CYP21A2: variants seen among roughly 807,000 people sequenced by gnomAD.
The protein encoded by CYP21A2 is cytochrome P450 family 21 subfamily A member 2, also known as steroid 21-hydroxylase.
Under a neutral mutation model 47.4 loss-of-function variants are expected in CYP21A2, and 24 were observed. The ratio of observed to expected loss-of-function variants is 0.51; its 90% CI spans 0.37 to 0.71. CYP21A2 has a LOEUF of 0.71. Among genes scored for constraint, CYP21A2 ranks in the 30% least tolerant of loss-of-function variants. The pLI is 0.00. For synonymous variants in CYP21A2, 130 were observed against 273.9 expected, an observed-to-expected ratio of 0.47 and a Z score of 5.19; for missense variants, 358 against 643.2, an observed-to-expected ratio of 0.56 and a Z score of 4.80.
chr6:32,039,985 G>A lies in CYP21A2; in HGVS notation c.739-20G>A, dbSNP rs374056854. 163 of 1,611,596 alleles carry A rather than the reference G, an allele frequency of 1.0e-4. 3 individuals are homozygous for A. Among genetic ancestry groups the A allele is most frequent in the South Asian group, 6.9e-4 (63 of 90,994 alleles). On this transcript the variant is annotated intron_variant, in intron 6 of 9. Transcript: ENST00000644719. ...TCTCCCCAGGCCAGCCGCTCAGCCC[G>A]CTCCTTTCACCCTCTGCAGGAGAGC...
At chr6:32,038,863 T>C (rs1776027652) in intron 2 of CYP21A2, 52 bp downstream of exon 2, 2 of 1,402,328 alleles carry the variant, frequency 1.4e-6, no homozygotes, top group East Asian at 4.7e-5. Context: ...TTTTAAGAGA[T>C]GGGTTCTTGC....
At chr6:32,038,983 T>TG (rs369651496) in intron 2 of CYP21A2, 111 bp from the exon 3 acceptor site, 42 of 1,543,136 alleles carry the variant, frequency 2.7e-5, no homozygotes, top group Admixed American at 1.4e-4. Flanking sequence ...TGGAAGCTCT[T>TG]GGGGGGGCAT....
In CYP21A2 at chr6:32,039,080, A is replaced by G; in HGVS notation, c.293-14A>G. On this transcript the variant is annotated splice_polypyrimidine_tract_variant and intron_variant, in intron 2 of 9. Coordinates refer to ENST00000644719, the MANE Select transcript of CYP21A2 (RefSeq NM_000500.9). ...CATCAGTTCCCACCCTCCAGCCCCC[A>G]CCTCCTCCTGCAGACAAGCTGGTGT... 6.9e-7 allele frequency: 1 copy of G among 1,442,492 alleles called. No individual in the cohort carries two copies. Among genetic ancestry groups the G allele is most frequent in the East Asian group, 2.5e-5 (1 of 40,792 alleles). The allele number at this position is 1,442,492 out of a possible 1,614,324, so 89.4% of individuals were successfully genotyped here.
rs199675184 is a variant in CYP21A2, at chr6:32,039,839, G to C, written c.738+4G>C. On this transcript the variant is annotated splice_donor_region_variant and intron_variant, in intron 6 of 9. Coordinates refer to ENST00000644719, the MANE Select transcript of CYP21A2 (RefSeq NM_000500.9). ...GATGCAGCTGAGGCAGCACAAGGTGGGGACTGTACGTGGACGGCCTCCCCT... is the reference window on the plus strand; with the variant it reads ...GATGCAGCTGAGGCAGCACAAGGTGCGGACTGTACGTGGACGGCCTCCCCT... The C allele has an allele frequency of 6.2e-7, 1 of 1,613,388 alleles. No homozygotes were observed. Among genetic ancestry groups the C allele is most frequent in the African/African-American group, 1.3e-5 (1 of 75,010 alleles).
Position 32,039,764 on chromosome 6 carries a change from G to A in CYP21A2, c.667G>A (p.Gly223Ser). ...IPFLRFFPNP[G>S]LRRLKQAIEK... ...CCTGCCGCAGTTCTTCCCCAATCCAGGTCTCCGGAGGCTGAAGCAGGCCAT... is the reference window on the plus strand; with the variant it reads ...CCTGCCGCAGTTCTTCCCCAATCCAAGTCTCCGGAGGCTGAAGCAGGCCAT... Residue 223 changes from glycine to serine, a missense_variant, in exon 6 of 10, where the codon GGT becomes AGT. Transcript: ENST00000644719. 1 of 1,612,828 alleles carries A rather than the reference G, an allele frequency of 6.2e-7. No individual in the cohort carries two copies.
Position 32,041,151 on chromosome 6 carries a change from C to G in CYP21A2, c.*17C>G. Reference sequence around the variant, plus strand: ...AGCCAGTGATGGGGCAGGACCGATGCCAGCCGGGTACCTCAGTTTCTCCTT... The same window carrying G: ...AGCCAGTGATGGGGCAGGACCGATGGCAGCCGGGTACCTCAGTTTCTCCTT... On this transcript the variant is annotated 3_prime_UTR_variant, in exon 10 of 10. Transcript: ENST00000644719. The G allele has an allele frequency of 6.3e-7, 1 of 1,585,520 alleles. No homozygotes were observed. Among genetic ancestry groups the G allele is most frequent in the Non-Finnish European group, 8.6e-7 (1 of 1,162,350 alleles).
At chr6:32,038,921 C>A in intron 2 of CYP21A2, 110 bp downstream of exon 2, 3 of 1,387,798 alleles carry the variant, frequency 2.2e-6, no homozygotes, top group Non-Finnish European at 3.0e-6. Flanking sequence ...ATGATCCTCC[C>A]ACCTCAGCCT....
At position 32,041,076 on chromosome 6, in the gene CYP21A2, T is replaced by C. The variant is rs924740532; in HGVS notation, c.1430T>C (p.Phe477Ser). Reference sequence around the variant, plus strand: ...AGTGTCATCCTCAAGATGCAGCCTTTCCAAGTGCGGCTGCAGCCCCGGGGG... The same window carrying C: ...AGTGTCATCCTCAAGATGCAGCCTTCCCAAGTGCGGCTGCAGCCCCGGGGG... Reference protein sequence around the residue: ...HCSVILKMQPFQVRLQPRGMG... With the variant: ...HCSVILKMQPSQVRLQPRGMG... The change falls in exon 10 of 10, where the codon TTC becomes TCC. Residue 477 changes from phenylalanine (F) to serine (S), a missense_variant. Transcript: ENST00000644719. 1.1e-5 allele frequency: 17 copies of C among 1,552,598 alleles called. No homozygotes were observed. Among genetic ancestry groups the C allele is most frequent in the African/African-American group, 2.7e-5 (2 of 74,566 alleles).
chr6:32,040,634 G>A (rs6461), intron 8 of CYP21A2, 34 bp from the exon 9 acceptor site: 26,575 of 1,607,694 alleles, frequency 0.017, 387 homozygotes, highest in African/African-American at 0.048. Flanking sequence ...GCCCAGGGAG[G>A]TCCTGGCCAG....
rs369132188 is a variant in CYP21A2, at chr6:32,041,113, C to G, written c.1467C>G (p.His489Gln). The G allele has an allele frequency of 6.3e-7, 1 of 1,597,528 alleles. No individual in the cohort carries two copies. Among genetic ancestry groups the G allele is most frequent in the Non-Finnish European group, 8.5e-7 (1 of 1,174,134 alleles). ...VRLQPRGMGAHSPGQSQ is the reference protein window; with the variant it reads ...VRLQPRGMGAQSPGQSQ ...TGCAGCCCCGGGGGATGGGGGCCCA[C>G]AGCCCGGGCCAGAGCCAGTGATGGG... Residue 489 changes from histidine (H) to glutamine (Q), a missense_variant, in exon 10 of 10, where the codon CAC becomes CAG. His to Gln is a conservative substitution (Grantham distance 24). Transcript: ENST00000644719.
chr6:32,039,023 A>C lies in CYP21A2; in HGVS notation c.293-71A>C, dbSNP rs1161037962. On this transcript the variant is annotated intron_variant, in intron 2 of 9. Transcript: ENST00000644719. ...GGTGGGGAGAAAGCAGGGGTTGGGG[A>C]GGCCGAAGAAGGTCAGGCCCTCAGC... 5 of 1,555,860 alleles carry C rather than the reference A, an allele frequency of 3.2e-6. No homozygotes were observed. The Admixed American group carries it at 7.7e-5, about 24-fold the overall frequency.
chr6:32,041,371 C>G lies in CYP21A2; in HGVS notation c.*237C>G, dbSNP rs746223901. On this transcript the variant is annotated 3_prime_UTR_variant, in exon 10 of 10. Transcript: ENST00000644719. ...AGCTCAGCCTCCCCCCGCTGGGGAG[C>G]GAAAGTTTCTTGGTCTCAGCTTCAT... 9.6e-7 allele frequency: 1 copy of G among 1,039,976 alleles called. No homozygotes were observed. Among genetic ancestry groups the G allele is most frequent in the Non-Finnish European group, 1.5e-6 (1 of 683,622 alleles). The allele number at this position is 1,039,976 out of a possible 1,614,324, so 64.4% of individuals were successfully genotyped here. A position where few individuals can be genotyped will look rare whatever the true frequency, so the allele number is the denominator to read the frequency against.
At chr6:32,039,515 G>A (rs2151872855) in intron 4 of CYP21A2, 31 bp from the exon 5 acceptor site, 3 of 1,575,294 alleles carry the variant, frequency 1.9e-6, no homozygotes, top group African/African-American at 1.4e-5. Flanking sequence ...TCCTTGTCCT[G>A]AACTGAAAGT....
At chr6:32,039,314 C>T (rs1079996) in intron 3 of CYP21A2, 42 bp from the exon 4 acceptor site, 149 of 1,584,788 alleles carry the variant, frequency 9.4e-5, no homozygotes, top group Non-Finnish European at 1.2e-4. Context: ...CCGCCCTGCC[C>T]GCTGCACAGC....
Position 32,039,085 on chromosome 6 carries a change from C to T in CYP21A2, c.293-9C>T. The T allele has an allele frequency of 6.3e-7, 1 of 1,599,414 alleles. No individual in the cohort carries two copies. ...GTTCCCACCCTCCAGCCCCCACCTCCTCCTGCAGACAAGCTGGTGTCTAGG... is the reference window on the plus strand; with the variant it reads ...GTTCCCACCCTCCAGCCCCCACCTCTTCCTGCAGACAAGCTGGTGTCTAGG... On this transcript the variant is annotated splice_polypyrimidine_tract_variant and intron_variant, in intron 2 of 9. Coordinates refer to ENST00000644719, the MANE Select transcript of CYP21A2 (RefSeq NM_000500.9).
At position 32,039,101 on chromosome 6, in the gene CYP21A2, G is replaced by C; in HGVS notation, c.300G>C (p.Leu100=). The part of the protein sequence containing the change: ...AGRPEPLTYK[L]VSRNYPDLSL... ...CCCCACCTCCTCCTGCAGACAAGCT[G>C]GTGTCTAGGAACTACCCGGACCTGT... is the stretch of plus-strand genomic sequence containing the variant. The change falls in exon 3 of 10, where the codon CTG becomes CTC. Residue 100 remains leucine, a synonymous_variant. Transcript: ENST00000644719. The C allele has an allele frequency of 6.2e-7, 1 of 1,605,580 alleles. No homozygotes were observed. The highest frequency in any genetic ancestry group is 8.5e-7 in the Non-Finnish European group (1 of 1,176,214).
At position 32,041,610 on chromosome 6, in the gene CYP21A2, C is replaced by T; in HGVS notation, c.*476C>T. On this transcript the variant is annotated 3_prime_UTR_variant, in exon 10 of 10. Coordinates refer to ENST00000644719, the MANE Select transcript of CYP21A2 (RefSeq NM_000500.9). Reference sequence around the variant, plus strand: ...ATTGAGGCTTAATTCTGAGCTGGCCCTTTCCAGCCAATAAATCAACTCCAG... The same window carrying T: ...ATTGAGGCTTAATTCTGAGCTGGCCTTTTCCAGCCAATAAATCAACTCCAG... 1 of 1,083,170 alleles carries T rather than the reference C, an allele frequency of 9.2e-7. No homozygotes were observed. The highest frequency in any genetic ancestry group is 1.4e-6 in the Non-Finnish European group (1 of 727,302). The allele number at this position is 1,083,170 out of a possible 1,614,324, so 67.1% of individuals were successfully genotyped here.
chr6:32,039,285 T>G (rs1345124810), intron 3 of CYP21A2, 37 bp downstream of exon 3: 1 of 1,572,304 alleles, frequency 6.4e-7, no homozygotes, highest in East Asian at 2.4e-5. Flanking sequence ...CGGGTCAGCC[T>G]CGCCTCTCAC....
rs565829460 is a variant in CYP21A2 at position 32,039,618 on chromosome 6, C to T, written c.622C>T (p.Gln208Ter). 1 of 1,564,290 alleles carries T rather than the reference C, an allele frequency of 6.4e-7. No homozygotes were observed. The highest frequency in any genetic ancestry group is 1.2e-5 in the South Asian group (1 of 85,496). The change falls in exon 5 of 10, where the codon CAA becomes TAA. Residue 208 changes from glutamine to a stop codon, truncating the protein, a stop_gained. Transcript: ENST00000644719. LOFTEE classifies it high-confidence loss of function. ...AAAAACCTGGAGCCACTGGTCCATCCAAATTGTGGACGTGATTCCCTTTCT... is the reference window on the plus strand; with the variant it reads ...AAAAACCTGGAGCCACTGGTCCATCTAAATTGTGGACGTGATTCCCTTTCT... ...VLKTWSHWSIQIVDVIPFLRF... is the reference protein window; with the variant it reads ...VLKTWSHWSI
Sources: gnomAD v4.1 joint callset for allele counts on GRCh38, gnomAD v4.1.1 for gene constraint, MANE v1.5 for transcripts, NCBI Gene and HGNC (gene_info 2026-07-23, HGNC 2026-07-21) for gene names.